The following DENND4A variants were observed in gnomAD, a reference collection of about 807,000 sequenced individuals.
DENND4A encodes the protein DENN domain containing 4A.
In DENND4A, 70 loss-of-function variants were observed where a neutral mutation model predicts 199.3. That is an observed-to-expected ratio of 0.35 (90% confidence interval 0.29 to 0.43). The LOEUF is 0.43. Among genes scored for constraint, DENND4A ranks in the 20% least tolerant of loss-of-function variants. The pLI is 1.00. For missense variants in DENND4A, 1,723 were observed against 2,255.8 expected, an observed-to-expected ratio of 0.76 and a Z score of 4.78; for synonymous variants, 686 against 766.9, an observed-to-expected ratio of 0.89 and a Z score of 1.74.
chr15:65,713,977 A>G (rs951585469), intron 14 of DENND4A, among the ~76,000 whole-genome samples: 1 of 152,182 alleles, frequency 6.6e-6, no homozygotes, highest in African/African-American at 2.4e-5. Context: ...AGACACATAT[A>G]CTTACATCTA....
intron 4 of DENND4A, among the ~76,000 whole-genome samples, chr15:65,745,199 G>A (rs2076357159): frequency 1.3e-5 from 2 of 152,106 alleles, no homozygotes; most frequent in Non-Finnish European, 2.9e-5. Flanking sequence ...TCAACTTTAA[G>A]TATCTGTCAG....
rs772502852 is a variant in DENND4A at position 65,661,990 on chromosome 15, G to A, written c.5588-3C>T. The A allele has an allele frequency of 1.9e-6, 3 of 1,601,392 alleles. No homozygotes were observed. Among genetic ancestry groups the A allele is most frequent in the Admixed American group, 3.5e-5 (2 of 57,202 alleles). On this transcript the variant is annotated splice_region_variant and splice_polypyrimidine_tract_variant and intron_variant, in intron 32 of 32. Transcript: ENST00000443035. Reference sequence around the variant, plus strand: ...CTTGTACTCTTTATCAAAAGCATCTGCAGAAATTGATAAAGAAATAAAAGA... The same window carrying A: ...CTTGTACTCTTTATCAAAAGCATCTACAGAAATTGATAAAGAAATAAAAGA...
intron 1 of DENND4A, among the ~76,000 whole-genome samples, chr15:65,777,357 AT>A (rs796192501): frequency 8.8e-4 from 127 of 143,762 alleles, no homozygotes; most frequent in East Asian, 3.1e-3. Flanking sequence ...ATTACAAACA[AT>A]TTTTTTTTTT....
Position 65,729,058 on chromosome 15 carries a change from TA to T in DENND4A, c.1487+13del. On this transcript the variant is annotated intron_variant, in intron 11 of 32. Coordinates refer to ENST00000443035, the MANE Select transcript of DENND4A (RefSeq NM_001320835.1). ...TTGTAAAATATACATGTAGAATCACTAAAATGTACTTACTGAGAAATAGTGT... is the reference window on the plus strand; with the variant it reads ...TTGTAAAATATACATGTAGAATCACTAAATGTACTTACTGAGAAATAGTGT... 6.4e-7 allele frequency: 1 copy of T among 1,566,272 alleles called. No individual in the cohort carries two copies.
At chr15:65,700,701 T>G (rs1339190966) in intron 19 of DENND4A, 26 bp from the exon 20 acceptor site, 9 of 1,514,146 alleles carry the variant, frequency 5.9e-6, no homozygotes, top group Middle Eastern at 1.7e-4. Flanking sequence ...TGACAGCATT[T>G]TACTACTCGA....
intron 7 of DENND4A, among the ~76,000 whole-genome samples, chr15:65,736,726 C>T (rs2076129417): frequency 6.6e-6 from 1 of 152,152 alleles, no homozygotes; most frequent in Non-Finnish European, 1.5e-5. Context: ...CCTTTTCTAC[C>T]TACATATCTG....
intron 1 of DENND4A, among the ~76,000 whole-genome samples, chr15:65,765,252 T>C (rs936365451): frequency 2.6e-5 from 4 of 152,196 alleles, no homozygotes; most frequent in African/African-American, 9.6e-5. Flanking sequence ...TTTCTATACA[T>C]GCACAAGAAA....
intron 1 of DENND4A, among the ~76,000 whole-genome samples, chr15:65,787,984 G>A (rs2077610708): frequency 6.6e-6 from 1 of 152,150 alleles, no homozygotes; most frequent in African/African-American, 2.4e-5. Context: ...AGCTTTGGTG[G>A]AGGAAAGAAA....
chr15:65,776,868 G>C (rs1367655808), intron 1 of DENND4A, among the ~76,000 whole-genome samples: 3 of 152,170 alleles, frequency 2.0e-5, no homozygotes, highest in Non-Finnish European at 4.4e-5. Flanking sequence ...GCTACCCCAG[G>C]GTAGTAAGAA....
chr15:65,743,966 G>A (rs903693228), intron 4 of DENND4A, among the ~76,000 whole-genome samples: 15 of 152,256 alleles, frequency 9.9e-5, no homozygotes, highest in African/African-American at 3.4e-4. Context: ...GAGCAGAAGA[G>A]AGGCATTATC....
intron 24 of DENND4A, among the ~76,000 whole-genome samples, chr15:65,673,833 C>T (rs2141911182): frequency 6.6e-6 from 1 of 152,250 alleles, no homozygotes; most frequent in South Asian, 2.1e-4. Flanking sequence ...AAATTGCTTC[C>T]CCAAACTTTC....
chr15:65,741,838 T>A (rs964821013), intron 4 of DENND4A, 54 bp from the exon 5 acceptor site: 9 of 1,421,410 alleles, frequency 6.3e-6, no homozygotes, highest in Non-Finnish European at 8.9e-6. Flanking sequence ...AGGAACTTGA[T>A]AAAATGGAAT....
intron 12 of DENND4A, among the ~76,000 whole-genome samples, chr15:65,721,337 T>C (rs539123217): frequency 1.1e-4 from 16 of 152,144 alleles, no homozygotes; most frequent in Non-Finnish European, 2.4e-4. Context: ...GAAGTGTACT[T>C]TGTAAATACT....
At chr15:65,753,038 C>T (rs544719312) in intron 3 of DENND4A, among the ~76,000 whole-genome samples, 70 of 152,240 alleles carry the variant, frequency 4.6e-4, no homozygotes, top group Non-Finnish European at 7.8e-4. Flanking sequence ...TCTGCTTGCA[C>T]GCTTTTATCT....
rs137954803 is a variant in DENND4A at position 65,689,023 on chromosome 15, C to T, written c.4179+1392G>A. On this transcript the variant is annotated intron_variant, in intron 23 of 32. Coordinates refer to ENST00000443035, the MANE Select transcript of DENND4A (RefSeq NM_001320835.1). ...AAATAGGTTGACAGTTATTTTCTTT[C>T]AGCACTTTAAAGATATCTTTCCAGT... is the stretch of plus-strand genomic sequence containing the variant. Among the ~76,000 whole-genome samples the T allele has an allele frequency of 6.4e-3, 972 of 152,280 alleles. 10 individuals carry two copies. Among genetic ancestry groups the T allele is most frequent in the African/African-American group, 0.022 (933 of 41,550 alleles).
chr15:65,672,550 T>G (rs1192803933), intron 24 of DENND4A, among the ~76,000 whole-genome samples: 1 of 151,672 alleles, frequency 6.6e-6, no homozygotes, highest in Non-Finnish European at 1.5e-5. Flanking sequence ...AGTCCAAATT[T>G]CTTGAGTCCA....
At chr15:65,768,640 T>C (rs774012158) in intron 1 of DENND4A, among the ~76,000 whole-genome samples, 46 of 152,168 alleles carry the variant, frequency 3.0e-4, no homozygotes, top group Non-Finnish European at 5.9e-4. Context: ...GCCATACTCA[T>C]ATATAGCAGT....
intron 1 of DENND4A, among the ~76,000 whole-genome samples, chr15:65,779,922 G>A (rs1173126506): frequency 1.3e-5 from 2 of 150,826 alleles, no homozygotes; most frequent in East Asian, 3.9e-4. Flanking sequence ...TTTATTTTTG[G>A]AGAAATGGGG....
chr15:65,715,671 G>A, intron 13 of DENND4A, 48 bp from the exon 14 acceptor site: 2 of 1,470,318 alleles, frequency 1.4e-6, no homozygotes, highest in Non-Finnish European at 1.8e-6. Context: ...ATCATTCATA[G>A]ATTCACAGAA....
Sources: gnomAD v4.1 joint callset for allele counts (sites outside exome capture counted in the v4.1 genomes callset) on GRCh38, gnomAD v4.1.1 for gene constraint, MANE v1.5 for transcripts, NCBI Gene and HGNC (gene_info 2026-07-23, HGNC 2026-07-21) for gene names.